Variants in GRAMD4 observed in about 807,000 individuals in gnomAD.
GRAMD4 encodes the protein GRAM domain containing 4, also known as GRAM domain-containing protein 4.
GRAMD4 carries 25 observed loss-of-function variants against 83.9 expected under a neutral mutation model. The ratio of observed to expected loss-of-function variants is 0.30; its 90% CI spans 0.22 to 0.42. GRAMD4 has a LOEUF of 0.42. Among genes scored for constraint, GRAMD4 ranks in the 10% least tolerant of loss-of-function variants. The pLI is 1.00. For synonymous variants in GRAMD4, 336 were observed against 320.9 expected, an observed-to-expected ratio of 1.05 and a Z score of -0.50; for missense variants, 593 against 788.7, an observed-to-expected ratio of 0.75 and a Z score of 2.97.
rs2082617236 is a variant in GRAMD4, at chr22:46,677,515, G to A, written c.*264G>A. On this transcript the variant is annotated 3_prime_UTR_variant, in exon 19 of 19. Transcript: ENST00000406902. ...CCGCAGACTGGGGGAGGGGGCAGAGGCCCTCGGGGGCCCGTGGAGAAGACA... is the reference window on the plus strand; with the variant it reads ...CCGCAGACTGGGGGAGGGGGCAGAGACCCTCGGGGGCCCGTGGAGAAGACA... 5 of 1,225,336 alleles carry A rather than the reference G, an allele frequency of 4.1e-6. No homozygotes were observed. Among genetic ancestry groups the A allele is most frequent in the Non-Finnish European group, 5.1e-6 (5 of 976,772 alleles). The allele number at this position is 1,225,336 out of a possible 1,614,324, so 75.9% of individuals were successfully genotyped here. A position where few individuals can be genotyped will look rare whatever the true frequency, so the allele number is the denominator to read the frequency against.
intron 1 of GRAMD4, among the ~76,000 whole-genome samples, chr22:46,623,456 C>G (rs993283181): frequency 6.6e-6 from 1 of 152,180 alleles, no homozygotes; most frequent in African/African-American, 2.4e-5. Context: ...GGTGCAGTCT[C>G]GGCTCATTGC....
intron 17 of GRAMD4, 58 bp from the exon 18 acceptor site, chr22:46,676,542 G>A: frequency 4.1e-6 from 6 of 1,471,968 alleles, no homozygotes; most frequent in Non-Finnish European, 5.6e-6. Context: ...CCTGTGGAGG[G>A]CTGTGCCTCC....
At position 46,668,864 on chromosome 22, in the gene GRAMD4, T is replaced by C; in HGVS notation, c.1040T>C (p.Leu347Pro). 1 of 1,610,978 alleles carries C rather than the reference T, an allele frequency of 6.2e-7. No individual in the cohort carries two copies. Among genetic ancestry groups the C allele is most frequent in the Non-Finnish European group, 8.5e-7 (1 of 1,177,988 alleles). ...KLYVALWAAF[L>P]ASCFFPYRLV... ...TATGTGGCGCTCTGGGCTGCCTTCC[T>C]GGCCTCCTGCTTCTTCCCCTACCGC... is the stretch of plus-strand genomic sequence containing the variant. Residue 347 changes from leucine (L) to proline (P), a missense_variant, in exon 13 of 19, where the codon CTG becomes CCG. Transcript: ENST00000406902.
At chr22:46,635,889 G>C (rs1366006100) in intron 2 of GRAMD4, among the ~76,000 whole-genome samples, 1 of 151,750 alleles carries the variant, frequency 6.6e-6, no homozygotes, top group African/African-American at 2.4e-5. Flanking sequence ...TGAAAGAAGA[G>C]GACTGGAGAG....
intron 1 of GRAMD4, among the ~76,000 whole-genome samples, chr22:46,594,224 C>T (rs866351975): frequency 2.0e-5 from 3 of 152,054 alleles, no homozygotes; most frequent in Non-Finnish European, 2.9e-5. Context: ...CCCTTCCCCA[C>T]CACCCTATGC....
At chr22:46,649,389 G>A (rs1350937313) in intron 3 of GRAMD4, among the ~76,000 whole-genome samples, 1 of 152,244 alleles carries the variant, frequency 6.6e-6, no homozygotes, top group Non-Finnish European at 1.5e-5. Context: ...GCTCCGTGCT[G>A]GGCCGGAGCC....
intron 13 of GRAMD4, among the ~76,000 whole-genome samples, chr22:46,670,080 T>C (rs1302794234): frequency 6.6e-6 from 1 of 151,868 alleles, no homozygotes; most frequent in Non-Finnish European, 1.5e-5. Flanking sequence ...AAGCCAGGGG[T>C]GGGGAGAGCT....
intron 1 of GRAMD4, among the ~76,000 whole-genome samples, chr22:46,611,316 T>A (rs546298563): frequency 6.6e-6 from 1 of 151,820 alleles, no homozygotes; most frequent in African/African-American, 2.4e-5. Context: ...AGCTGCCATA[T>A]GGTGTGATGG....
intron 2 of GRAMD4, among the ~76,000 whole-genome samples, chr22:46,630,412 A>T (rs967073561): frequency 1.3e-5 from 2 of 151,864 alleles, no homozygotes; most frequent in Non-Finnish European, 2.9e-5. Flanking sequence ...CCTGCGATTG[A>T]GTGTTTGTGT....
At chr22:46,648,686 T>TGATG (rs2082108606) in intron 3 of GRAMD4, among the ~76,000 whole-genome samples, 1 of 142,070 alleles carries the variant, frequency 7.0e-6, no homozygotes, top group Non-Finnish European at 1.5e-5. Flanking sequence ...GGTAAATGAT[T>TGATG]GATGGATGGA....
At chr22:46,630,414 T>G (rs189195050) in intron 2 of GRAMD4, among the ~76,000 whole-genome samples, 2 of 152,128 alleles carry the variant, frequency 1.3e-5, no homozygotes, top group Admixed American at 1.3e-4. Flanking sequence ...TGCGATTGAG[T>G]GTTTGTGTGC....
chr22:46,657,445 CTT>C (rs1170557079), intron 3 of GRAMD4, among the ~76,000 whole-genome samples: 2 of 152,180 alleles, frequency 1.3e-5, no homozygotes, highest in Non-Finnish European at 2.9e-5. Context: ...TCTCTCCTGT[CTT>C]TAAGTGGTAG....
chr22:46,643,141 T>TCTG (rs2082005534), intron 3 of GRAMD4, among the ~76,000 whole-genome samples: 2 of 4,546 alleles, frequency 4.4e-4, no homozygotes, highest in Non-Finnish European at 8.9e-4. Flanking sequence ...CCATGCATCC[T>TCTG]TCCATCCATC....
chr22:46,624,317 C>T (rs1218190748), intron 1 of GRAMD4, among the ~76,000 whole-genome samples: 1 of 123,544 alleles, frequency 8.1e-6, no homozygotes, highest in African/African-American at 3.2e-5. Flanking sequence ...TACTAAGTTC[C>T]CTCTTCCTTT....
intron 5 of GRAMD4, 95 bp from the exon 6 acceptor site, chr22:46,662,945 C>G (rs2082350264): frequency 8.2e-7 from 1 of 1,213,168 alleles, no homozygotes; most frequent in African/African-American, 1.5e-5. Flanking sequence ...CGCGCCCTTG[C>G]AGTGAGGCCC....
intron 4 of GRAMD4, 54 bp downstream of exon 4, chr22:46,658,361 C>T (rs980310750): frequency 2.9e-5 from 43 of 1,478,646 alleles, no homozygotes; most frequent in Admixed American, 4.0e-5. Context: ...CAACCCCCCA[C>T]CCCACCCGCC....
chr22:46,679,393 G>T lies in GRAMD4; in HGVS notation c.*2142G>T. 1 of 985,456 alleles carries T rather than the reference G, an allele frequency of 1.0e-6. No homozygotes were observed. Among genetic ancestry groups the T allele is most frequent in the South Asian group, 4.7e-5 (1 of 21,288 alleles). The allele number at this position is 985,456 out of a possible 1,614,324, so 61.0% of individuals were successfully genotyped here. On this transcript the variant is annotated 3_prime_UTR_variant, in exon 19 of 19. Transcript: ENST00000406902. ...ACATTCGGGGAGCGGGGGGTCGGGGGAGGGCCACCGACTGGCTCTGCTGCC... is the reference window on the plus strand; with the variant it reads ...ACATTCGGGGAGCGGGGGGTCGGGGTAGGGCCACCGACTGGCTCTGCTGCC...
chr22:46,666,746 G>A lies in GRAMD4; in HGVS notation c.810-79G>A, dbSNP rs149457576. 8.3e-3 allele frequency: 10,018 copies of A among 1,210,862 alleles called. 44 individuals carry two copies. The highest frequency in any genetic ancestry group is 0.011 in the Non-Finnish European group (8,746 of 814,238). The allele number at this position is 1,210,862 out of a possible 1,614,324, so 75.0% of individuals were successfully genotyped here. On this transcript the variant is annotated intron_variant, in intron 9 of 18. Transcript: ENST00000406902. ...GGGCCCCCTCCAAGCCCAGCTGGGC[G>A]TGCAGGGCCAGCGATTCGATGCCTT...
chr22:46,592,677 C>G (rs2081221679), intron 1 of GRAMD4, among the ~76,000 whole-genome samples: 1 of 152,132 alleles, frequency 6.6e-6, no homozygotes, highest in African/African-American at 2.4e-5. Context: ...TTCTGCGGCC[C>G]ACATGTATGG....
Sources: gnomAD v4.1 joint callset for allele counts (sites outside exome capture counted in the v4.1 genomes callset) on GRCh38, gnomAD v4.1.1 for gene constraint, MANE v1.5 for transcripts, NCBI Gene and HGNC (gene_info 2026-07-23, HGNC 2026-07-21) for gene names.